VMP1: variants seen among roughly 807,000 people sequenced by gnomAD.
The protein encoded by VMP1 is vacuole membrane protein 1, also known as ectopic P-granules autophagy protein 3 homolog.
A neutral mutation model predicts 56.0 loss-of-function variants in VMP1; 11 were observed. That is an observed-to-expected ratio of 0.20 (90% CI 0.12 to 0.32). The LOEUF is 0.32. Ranked by LOEUF, VMP1 falls within the 10% of genes least tolerant of loss-of-function variation. VMP1 has a pLI of 1.00. For missense variants in VMP1, 296 were observed against 490.3 expected, an observed-to-expected ratio of 0.60 and a Z score of 3.74; for synonymous variants, 149 against 165.0, an observed-to-expected ratio of 0.90 and a Z score of 0.74.
chr17:59,833,148 ATGGACTCT>A (rs2144330572), intron 10 of VMP1, among the ~76,000 whole-genome samples: 1 of 152,152 alleles, frequency 6.6e-6, no homozygotes, highest in East Asian at 1.9e-4. Flanking sequence ...AAGTGTCAGA[ATGGACTCT>A]TGCTTCTGGT....
chr17:59,803,281 A>G (rs1285155600), intron 7 of VMP1, among the ~76,000 whole-genome samples: 1 of 152,206 alleles, frequency 6.6e-6, no homozygotes, highest in Non-Finnish European at 1.5e-5. Context: ...AGGCATATTC[A>G]TAGTTTAAGG....
chr17:59,822,344 T>TTC (rs3065272), intron 10 of VMP1, among the ~76,000 whole-genome samples: 8 of 150,946 alleles, frequency 5.3e-5, no homozygotes, highest in South Asian at 4.2e-4. Context: ...TTTTTTTTTT[T>TTC]CTGAGACAGA....
At chr17:59,719,281 T>C (rs1245932791) in intron 1 of VMP1, among the ~76,000 whole-genome samples, 1 of 151,650 alleles carries the variant, frequency 6.6e-6, no homozygotes, top group Admixed American at 6.6e-5. Context: ...ACCATGCTAC[T>C]GCACTCTAGC....
chr17:59,817,071 C>T (rs2038264709), intron 9 of VMP1, among the ~76,000 whole-genome samples: 1 of 150,916 alleles, frequency 6.6e-6, no homozygotes, highest in South Asian at 2.1e-4. Context: ...GAGTTCAAGA[C>T]CAGCCTGACC....
chr17:59,753,218 G>T (rs1436840790), intron 5 of VMP1, among the ~76,000 whole-genome samples: 2 of 151,880 alleles, frequency 1.3e-5, no homozygotes, highest in Non-Finnish European at 2.9e-5. Flanking sequence ...GCCCAGGGAG[G>T]TTATGATCGC....
chr17:59,776,174 T>G (rs185605691), intron 7 of VMP1, among the ~76,000 whole-genome samples: 1 of 152,218 alleles, frequency 6.6e-6, no homozygotes, highest in African/African-American at 2.4e-5. Flanking sequence ...TTTGCACTAC[T>G]GTACTCTACC....
chr17:59,818,429 A>T (rs558725515), intron 10 of VMP1, among the ~76,000 whole-genome samples: 6 of 152,232 alleles, frequency 3.9e-5, no homozygotes, highest in South Asian at 4.1e-4. Flanking sequence ...TATTAACAAA[A>T]TTTGTCAGGT....
intron 10 of VMP1, among the ~76,000 whole-genome samples, chr17:59,825,263 A>G (rs953305957): frequency 6.6e-6 from 1 of 151,666 alleles, no homozygotes; most frequent in Non-Finnish European, 1.5e-5. Context: ...TAGTAGAGAC[A>G]GGATTTCACG....
At chr17:59,718,115 T>A (rs1403758593) in intron 1 of VMP1, among the ~76,000 whole-genome samples, 1 of 149,932 alleles carries the variant, frequency 6.7e-6, no homozygotes, top group Non-Finnish European at 1.5e-5. Context: ...TTAAATTGCA[T>A]CCTAATTTGG....
At chr17:59,716,784 A>AT (rs35255635) in intron 1 of VMP1, among the ~76,000 whole-genome samples, 76,340 of 151,502 alleles carry the variant, frequency 0.5, 21,378 homozygotes, top group Non-Finnish European at 0.64. Flanking sequence ...GCTAGTTGGA[A>AT]TTTTTTTTTA....
At chr17:59,736,326 G>A (rs772576125) in intron 3 of VMP1, among the ~76,000 whole-genome samples, 3 of 147,634 alleles carry the variant, frequency 2.0e-5, no homozygotes, top group Admixed American at 6.8e-5. Flanking sequence ...TCGCTTGAAC[G>A]TGGGAGGCAG....
chr17:59,717,011 G>C (rs1478233981), intron 1 of VMP1, among the ~76,000 whole-genome samples: 1 of 151,116 alleles, frequency 6.6e-6, no homozygotes, highest in African/African-American at 2.4e-5. Flanking sequence ...ACGGGGTCTC[G>C]CTCTGTCGCC....
rs115162226 is a variant in VMP1, at chr17:59,796,783, C to G, written c.715-12013C>G. Among the ~76,000 whole-genome samples the G allele has an allele frequency of 1.9e-3, 287 of 152,152 alleles. 1 individual carries two copies. Among genetic ancestry groups the G allele is most frequent in the African/African-American group, 6.6e-3 (273 of 41,516 alleles). ...AGAACCATCTGTACAAAAGGAAAAT[C>G]ATTTAGATTTTTTTCAATTGACAGT... On this transcript the variant is annotated intron_variant, in intron 7 of 11. Coordinates refer to ENST00000262291, the MANE Select transcript of VMP1 (RefSeq NM_030938.5).
At chr17:59,728,604 T>TGGGGCAGGAGGATCGCTTC (rs1214306808) in intron 1 of VMP1, among the ~76,000 whole-genome samples, 1 of 152,110 alleles carries the variant, frequency 6.6e-6, no homozygotes, top group Non-Finnish European at 1.5e-5. Flanking sequence ...TTTGGGAAGC[T>TGGGGCAGGAGGATCGCTTC]GGGGCAGGAG....
intron 1 of VMP1, among the ~76,000 whole-genome samples, chr17:59,712,730 A>T (rs2033980144): frequency 6.6e-6 from 1 of 152,240 alleles, no homozygotes. Flanking sequence ...GATCCAGGTC[A>T]TGCAGAATTT....
At chr17:59,773,239 C>T (rs147664087) in intron 6 of VMP1, among the ~76,000 whole-genome samples, 12 of 151,688 alleles carry the variant, frequency 7.9e-5, no homozygotes, top group Non-Finnish European at 1.3e-4. Flanking sequence ...GGATTACAGG[C>T]GTGAGCCACC....
chr17:59,775,810 G>A (rs1233023112), intron 7 of VMP1, among the ~76,000 whole-genome samples: 2 of 152,146 alleles, frequency 1.3e-5, no homozygotes, highest in African/African-American at 2.4e-5. Flanking sequence ...AATTGGTTGA[G>A]GCTTTTTGAC....
chr17:59,811,876 A>G (rs2038062089), intron 9 of VMP1, 90 bp downstream of exon 9: 1 of 954,528 alleles, frequency 1.0e-6, no homozygotes, highest in Non-Finnish European at 1.6e-6. Flanking sequence ...TTATTTAGTT[A>G]TTCTTTCTGC....
intron 9 of VMP1, among the ~76,000 whole-genome samples, chr17:59,815,982 C>T (rs1256789134): frequency 6.6e-6 from 1 of 152,024 alleles, no homozygotes; most frequent in East Asian, 1.9e-4. Context: ...CTCCTCTACC[C>T]TTTCCTTTGT....
Sources: allele counts gnomAD v4.1 joint callset (sites outside exome capture counted in the v4.1 genomes callset), GRCh38; gene constraint gnomAD v4.1.1; transcripts MANE v1.5; gene names NCBI Gene and HGNC (gene_info 2026-07-23, HGNC 2026-07-21).